Variants in CRYBG1 observed in about 807,000 individuals in gnomAD.
CRYBG1 encodes the protein beta/gamma crystallin domain-containing protein 1.
In CRYBG1, 139 loss-of-function variants were observed where a neutral mutation model predicts 189.2. That is an observed-to-expected ratio of 0.73 (90% confidence interval 0.64 to 0.85). CRYBG1 has a LOEUF of 0.85. CRYBG1 is among the 40% of genes least tolerant of loss of function. CRYBG1 has a pLI of 0.00. For missense variants in CRYBG1, 2,611 were observed against 2,675.8 expected (o/e 0.98, Z 0.53); for synonymous variants, 1,023 against 1,017.1 (o/e 1.01, Z -0.11).
At chr6:106,493,243 A>G (rs1053730483) in intron 2 of CRYBG1, among the ~76,000 whole-genome samples, 1 of 152,230 alleles carries the variant, frequency 6.6e-6, no homozygotes, top group Non-Finnish European at 1.5e-5. Context: ...AACATGCATA[A>G]GAAAAGATGC....
intron 1 of CRYBG1, among the ~76,000 whole-genome samples, chr6:106,364,002 C>G (rs547531428): frequency 6.6e-6 from 1 of 152,146 alleles, no homozygotes; most frequent in African/African-American, 2.4e-5. Context: ...AGGGGAAAAC[C>G]AACTCTAGGA....
In CRYBG1 at chr6:106,400,371, C is replaced by CT. The variant is rs1192641614; in HGVS notation, c.173+39296dup. Reference sequence around the variant, plus strand: ...GTCAAATCTTACTTGAGACAATGCCCTTTTTTCTTTATCTTTAATATTAGT... The same window carrying CT: ...GTCAAATCTTACTTGAGACAATGCCCTTTTTTTCTTTATCTTTAATATTAGT... On this transcript the variant is annotated intron_variant, in intron 1 of 21. Transcript: ENST00000633556. Among the ~76,000 whole-genome samples, 6 of 152,150 alleles carry CT rather than the reference C, an allele frequency of 3.9e-5. No homozygotes were observed. In the East Asian group the frequency reaches 1.2e-3, roughly 29 times the overall value.
Position 106,511,485 on chromosome 6 carries a change from G to T in CRYBG1, c.368G>T (p.Gly123Val), listed in dbSNP as rs1395051380. Residue 123 changes from glycine (G) to valine (V), a missense_variant, in exon 3 of 22, where the codon GGC becomes GTC. Around this residue, in one of 3 missense-constraint regions of CRYBG1, gnomAD observed 985 missense variants for 924.4 expected, o/e 1.07. Transcript: ENST00000633556. ...NRRKPVLGKLGTLFTAGRRRN... is the reference protein window; with the variant it reads ...NRRKPVLGKLVTLFTAGRRRN... ...AGGAAGCCAGTTTTGGGGAAACTTG[G>T]CACTCTATTCACTGCAGGAAGGAGA... The T allele has an allele frequency of 2.6e-6, 4 of 1,535,786 alleles. No homozygotes were observed. The highest frequency in any genetic ancestry group is 1.4e-5 in the African/African-American group (1 of 73,124).
chr6:106,569,928 C>T lies in CRYBG1; in HGVS notation c.*1362C>T, dbSNP rs1035603224. On this transcript the variant is annotated 3_prime_UTR_variant, in exon 22 of 22. Coordinates refer to ENST00000633556, the MANE Select transcript of CRYBG1 (RefSeq NM_001371242.2). ...GGAAAAGAGACCTTTAGGGATGTTG[C>T]TGGTCAAGTCTTGATTTGACCGGAG... 6.6e-5 allele frequency: 10 copies of T among 152,196 alleles called. No homozygotes were observed. The highest frequency in any genetic ancestry group is 1.9e-4 in the African/African-American group (8 of 41,448). The allele number at this position is 152,196 out of a possible 1,614,324, so 9.4% of individuals were successfully genotyped here.
Position 106,569,745 on chromosome 6 carries a change from G to A in CRYBG1, c.*1179G>A, listed in dbSNP as rs1775001623. On this transcript the variant is annotated 3_prime_UTR_variant, in exon 22 of 22. Transcript: ENST00000633556. ...CTCCTATCCACCTGCATCCACACAT[G>A]GCCTGCATGGGGCTGCCTTCCCTGC... The A allele has an allele frequency of 6.6e-6, 1 of 152,120 alleles. No individual in the cohort carries two copies. Among genetic ancestry groups the A allele is most frequent in the East Asian group, 1.9e-4 (1 of 5,194 alleles). The allele number at this position is 152,120 out of a possible 1,614,324, so 9.4% of individuals were successfully genotyped here. A position where few individuals can be genotyped will look rare whatever the true frequency, so the allele number is the denominator to read the frequency against.
chr6:106,432,014 T>C (rs1771334463), intron 1 of CRYBG1, among the ~76,000 whole-genome samples: 1 of 152,198 alleles, frequency 6.6e-6, no homozygotes, highest in Non-Finnish European at 1.5e-5. Context: ...CCTGTTTTAG[T>C]GAAAACAATG....
At chr6:106,526,021 C>A (rs991518328) in intron 6 of CRYBG1, among the ~76,000 whole-genome samples, 1 of 152,084 alleles carries the variant, frequency 6.6e-6, no homozygotes, top group African/African-American at 2.4e-5. Flanking sequence ...ATTTTATCAG[C>A]TTCATTGCCT....
chr6:106,546,449 G>A (rs746991491), intron 13 of CRYBG1, among the ~76,000 whole-genome samples: 5 of 152,114 alleles, frequency 3.3e-5, no homozygotes, highest in Non-Finnish European at 7.4e-5. Context: ...GTATCTCATG[G>A]GGCCTCCCAC....
intron 2 of CRYBG1, among the ~76,000 whole-genome samples, chr6:106,466,771 G>C (rs1296487331): frequency 2.0e-5 from 3 of 152,222 alleles, no homozygotes; most frequent in Non-Finnish European, 4.4e-5. Context: ...TTTGGCTACA[G>C]AGAATGGTAC....
chr6:106,397,381 TA>T (rs1228396859), intron 1 of CRYBG1, among the ~76,000 whole-genome samples: 1 of 152,238 alleles, frequency 6.6e-6, no homozygotes, highest in Non-Finnish European at 1.5e-5. Context: ...TCATCCTGCA[TA>T]ACTGAAACCA....
chr6:106,473,209 C>T (rs1441524789), intron 2 of CRYBG1, among the ~76,000 whole-genome samples: 2 of 152,108 alleles, frequency 1.3e-5, no homozygotes, highest in East Asian at 1.9e-4. Context: ...TTAAAACATA[C>T]ACAAAATAGA....
chr6:106,520,441 C>A lies in CRYBG1; in HGVS notation c.3233C>A (p.Thr1078Lys). 1 of 1,614,160 alleles carries A rather than the reference C, an allele frequency of 6.2e-7. No homozygotes were observed. Among genetic ancestry groups the A allele is most frequent in the Non-Finnish European group, 8.5e-7 (1 of 1,180,018 alleles). The part of the protein sequence containing the change: ...ATPQRPDQTV[T>K]NGQDSPASLL... ...CCTCAAAGGCCAGATCAGACTGTTA[C>A]AAATGGCCAGGATAGCCCTGCCAGC... Residue 1078 changes from threonine to lysine, a missense_variant, in exon 4 of 22, where the codon ACA (threonine) becomes AAA (lysine). Thr to Lys is a moderately conservative substitution (Grantham distance 78). Transcript: ENST00000633556.
At chr6:106,392,055 A>G (rs1770517934) in intron 1 of CRYBG1, among the ~76,000 whole-genome samples, 1 of 152,036 alleles carries the variant, frequency 6.6e-6, no homozygotes, top group Non-Finnish European at 1.5e-5. Flanking sequence ...GGATTCAGAT[A>G]AGTTCATCAT....
At chr6:106,444,421 C>T (rs1411543506) in intron 1 of CRYBG1, among the ~76,000 whole-genome samples, 1 of 152,208 alleles carries the variant, frequency 6.6e-6, no homozygotes, top group Non-Finnish European at 1.5e-5. Flanking sequence ...TTCCTTGAGG[C>T]ACAGACCTCG....
chr6:106,539,254 G>A, intron 8 of CRYBG1, 149 bp from the exon 9 acceptor site: 1 of 835,332 alleles, frequency 1.2e-6, no homozygotes, highest in Non-Finnish European at 1.9e-6. Context: ...TGAGTCTAGT[G>A]TGATTCTAAC....
intron 1 of CRYBG1, among the ~76,000 whole-genome samples, chr6:106,369,420 C>T (rs1426228902): frequency 6.6e-6 from 1 of 152,088 alleles, no homozygotes; most frequent in African/African-American, 2.4e-5. Context: ...GCAACCCTAA[C>T]TGAGTCTCAG....
chr6:106,481,120 C>A (rs1186193421), intron 2 of CRYBG1, among the ~76,000 whole-genome samples: 4 of 104,302 alleles, frequency 3.8e-5, no homozygotes, highest in Admixed American at 3.4e-4. Flanking sequence ...ACTACAGGCG[C>A]CCGCCACCAC....
chr6:106,436,258 A>C (rs1008363469), intron 1 of CRYBG1, among the ~76,000 whole-genome samples: 4 of 150,770 alleles, frequency 2.7e-5, no homozygotes, highest in African/African-American at 9.7e-5. Context: ...TCCTTTCAGT[A>C]TGCTCTTAGA....
intron 2 of CRYBG1, among the ~76,000 whole-genome samples, chr6:106,453,448 C>G (rs1443561821): frequency 1.3e-5 from 2 of 152,086 alleles, no homozygotes; most frequent in Non-Finnish European, 2.9e-5. Flanking sequence ...GTACTTTATA[C>G]TTACTTTCAA....
Sources: gnomAD v4.1 joint callset for allele counts (sites outside exome capture counted in the v4.1 genomes callset) on GRCh38, gnomAD v4.1.1 for gene constraint, gnomAD v4.1.1 regional missense constraint, MANE v1.5 for transcripts, NCBI Gene and HGNC (gene_info 2026-07-23, HGNC 2026-07-21) for gene names.